The following TELO2 variants were observed in gnomAD, a reference collection of about 807,000 sequenced individuals.
TELO2 encodes telomere length regulation protein TEL2 homolog.
A neutral mutation model predicts 91.0 loss-of-function variants in TELO2; 71 were observed. The observed-to-expected ratio is 0.78, with a 90% CI of 0.64 to 0.95. The LOEUF is 0.95. Among genes scored for constraint, TELO2 ranks in the 40% least tolerant of loss-of-function variants. The pLI, the probability that TELO2 is intolerant of heterozygous loss-of-function variation, is 0.00. For missense variants in TELO2, 1,183 were observed against 1,141.3 expected, an observed-to-expected ratio of 1.04 and a Z score of -0.53; for synonymous variants, 584 against 518.9, an observed-to-expected ratio of 1.13 and a Z score of -1.71.
At position 1,505,477 on chromosome 16, in the gene TELO2, C is replaced by A. The variant is rs1485424715; in HGVS notation, c.1910C>A (p.Ser637Tyr). The A allele has an allele frequency of 1.2e-6, 2 of 1,613,160 alleles. No individual in the cohort carries two copies. The highest frequency in any genetic ancestry group is 2.2e-5 in the East Asian group (1 of 44,880). ...GCLGRTPQPG[S>Y]PSPNTPCLPE... ...CTCGGGAGGACTCCCCAACCTGGCT[C>A]CCCAAGTCCCAACACCCCGTGCCTG... Residue 637 changes from serine (S) to tyrosine (Y), a missense_variant, in exon 16 of 21, where the codon TCC becomes TAC. By Grantham distance (144) the Ser-to-Tyr change is moderately radical. Coordinates refer to ENST00000262319, the MANE Select transcript of TELO2 (RefSeq NM_016111.4). The surrounding 1 kb of genome is among the most constrained non-coding windows in gnomAD (Gnocchi z 4.3).
At chr16:1,507,437 C>T in intron 19 of TELO2, 67 bp downstream of exon 19, 1 of 1,580,676 alleles carries the variant, frequency 6.3e-7, no homozygotes, top group Non-Finnish European at 8.6e-7. Context: ...ATTGTGGGGG[C>T]CCCGTGGAGC....
rs541069927 is a variant in TELO2 at position 1,501,467 on chromosome 16, C to A, written c.1329C>A (p.Pro443=). ...LSLELLALAS[P]QPAGDGASEA... ...TCGAGCTGCTGGCCTTGGCCTCCCC[C>A]CAGCCTGCGGGTGACGGCGCCTCGG... The change falls in exon 10 of 21, where the codon CCC becomes CCA. Residue 443 remains proline, a synonymous_variant. Coordinates refer to ENST00000262319, the MANE Select transcript of TELO2 (RefSeq NM_016111.4). The A allele has an allele frequency of 5.6e-6, 9 of 1,611,782 alleles. No homozygotes were observed. The highest frequency in any genetic ancestry group is 1.1e-5 in the South Asian group (1 of 90,936).
chr16:1,494,211 C>T lies in TELO2; in HGVS notation c.-36-35C>T. 5 of 1,453,560 alleles carry T rather than the reference C, an allele frequency of 3.4e-6. No individual in the cohort carries two copies. Among genetic ancestry groups the T allele is most frequent in the Non-Finnish European group, 4.7e-6 (5 of 1,061,332 alleles). The allele number at this position is 1,453,560 out of a possible 1,614,324, so 90.0% of individuals were successfully genotyped here. ...TTCCTGAGCTTGTGTGGATTATTTCCGTGCCCCAAGCTGAGCCCTGTGTCC... is the reference window on the plus strand; with the variant it reads ...TTCCTGAGCTTGTGTGGATTATTTCTGTGCCCCAAGCTGAGCCCTGTGTCC... On this transcript the variant is annotated intron_variant, in intron 1 of 20. Coordinates refer to ENST00000262319, the MANE Select transcript of TELO2 (RefSeq NM_016111.4). The surrounding 1 kb of genome is among the most constrained non-coding windows in gnomAD (Gnocchi z 5.6).
intron 5 of TELO2, among the ~76,000 whole-genome samples, chr16:1,498,696 A>C (rs1000772014): frequency 1.3e-5 from 2 of 148,748 alleles, no homozygotes; most frequent in Non-Finnish European, 1.5e-5. Flanking sequence ...TGGCCTCCCA[A>C]ATGTTTTTTT....
chr16:1,502,507 C>A, intron 13 of TELO2, 103 bp downstream of exon 13: 1 of 1,502,426 alleles, frequency 6.7e-7, no homozygotes. Context: ...CCGTGTGTGA[C>A]AGGGCTGCTG....
At chr16:1,503,299 A>G (rs2039773392) in intron 15 of TELO2, among the ~76,000 whole-genome samples, 1 of 152,232 alleles carries the variant, frequency 6.6e-6, no homozygotes, top group Non-Finnish European at 1.5e-5. Flanking sequence ...TAGCAATGAA[A>G]AAGAAAAATT....
chr16:1,504,074 G>A (rs1425456280), intron 15 of TELO2, among the ~76,000 whole-genome samples: 2 of 147,796 alleles, frequency 1.4e-5, no homozygotes, highest in Non-Finnish European at 1.5e-5. Context: ...GTCGTGAGCC[G>A]TGATGGCACC....
chr16:1,509,070 G>A (rs1173268000), intron 20 of TELO2, among the ~76,000 whole-genome samples: 1 of 152,146 alleles, frequency 6.6e-6, no homozygotes, highest in African/African-American at 2.4e-5. Context: ...TGATGGGGCT[G>A]GGTGGGCGGG....
intron 5 of TELO2, 120 bp from the exon 6 acceptor site, chr16:1,499,111 G>C (rs1596255791): frequency 2.1e-6 from 2 of 943,738 alleles, no homozygotes; most frequent in South Asian, 1.4e-5. Flanking sequence ...CCAGAGGCTC[G>C]TGGCTAGGAA....
chr16:1,509,779 G>C, intron 20 of TELO2, 51 bp from the exon 21 acceptor site: 1 of 1,518,790 alleles, frequency 6.6e-7, no homozygotes, highest in South Asian at 1.2e-5. Context: ...GGAGGAGGGA[G>C]AATACGCCCT....
At chr16:1,498,988 C>T (rs1567296269) in intron 5 of TELO2, among the ~76,000 whole-genome samples, 1 of 152,140 alleles carries the variant, frequency 6.6e-6, no homozygotes, top group East Asian at 1.9e-4. Context: ...AGGAGGCTGT[C>T]GGGGGTGGAC....
chr16:1,499,106 G>T, intron 5 of TELO2, 125 bp from the exon 6 acceptor site: 1 of 893,068 alleles, frequency 1.1e-6, no homozygotes, highest in Non-Finnish European at 1.8e-6. Context: ...TGGAACCAGA[G>T]GCTCGTGGCT....
chr16:1,497,809 C>T lies in TELO2; in HGVS notation c.830+301C>T, dbSNP rs2039548628. Reference sequence around the variant, plus strand: ...CTGTGGTCCCCCTCGCACACGTGTGCACCATGTCCAGGCTCTGACATGGTG... The same window carrying T: ...CTGTGGTCCCCCTCGCACACGTGTGTACCATGTCCAGGCTCTGACATGGTG... On this transcript the variant is annotated intron_variant, in intron 5 of 20. Transcript: ENST00000262319. This position sits in a 1 kb window ranked among gnomAD's most constrained non-coding sequence, Gnocchi z 4.0. 6.6e-6 allele frequency among the ~76,000 whole-genome samples: 1 copy of T among 152,172 alleles called. No homozygotes were observed. Among genetic ancestry groups the T allele is most frequent in the African/African-American group, 2.4e-5 (1 of 41,426 alleles).
At position 1,501,455 on chromosome 16, in the gene TELO2, C is replaced by T. The variant is rs369875591; in HGVS notation, c.1317C>T (p.Ala439=). ...ATGAACTGAGCCTCGAGCTGCTGGC[C>T]TTGGCCTCCCCCCAGCCTGCGGGTG... The part of the protein sequence containing the change: ...EEDELSLELL[A]LASPQPAGDG... The change falls in exon 10 of 21, where the codon GCC becomes GCT. Residue 439 remains alanine, a synonymous_variant. Transcript: ENST00000262319. The T allele has an allele frequency of 8.4e-5, 136 of 1,611,912 alleles. No homozygotes were observed. The Middle Eastern group carries it at 1.8e-3, about 21-fold the overall frequency.
At chr16:1,498,824 C>A (rs2039579838) in intron 5 of TELO2, among the ~76,000 whole-genome samples, 2 of 152,214 alleles carry the variant, frequency 1.3e-5, no homozygotes, top group African/African-American at 4.8e-5. Context: ...CATAACCTCT[C>A]ACCGGGAGGA....
rs2039593867 is a variant in TELO2, at chr16:1,499,266, T to C, written c.866T>C (p.Val289Ala). 6.2e-7 allele frequency: 1 copy of C among 1,613,904 alleles called. No individual in the cohort carries two copies. The highest frequency in any genetic ancestry group is 1.3e-5 in the African/African-American group (1 of 74,934). The change falls in exon 6 of 21, where the codon GTG becomes GCG. Residue 289 changes from valine to alanine, a missense_variant. Transcript: ENST00000262319. ...EVLSRLLGNL[V>A]VKNKKAQFVM... ...CTTTCGAGACTGCTGGGGAACCTGG[T>C]GGTGAAGAACAAGAAGGCCCAGTTT...
In TELO2 at chr16:1,500,078, C is replaced by T. The variant is rs1203342307; in HGVS notation, c.934-18C>T. The T allele has an allele frequency of 5.6e-6, 9 of 1,606,636 alleles. No homozygotes were observed. Among genetic ancestry groups the T allele is most frequent in the Non-Finnish European group, 7.6e-6 (9 of 1,177,754 alleles). On this transcript the variant is annotated intron_variant, in intron 6 of 20. Coordinates refer to ENST00000262319, the MANE Select transcript of TELO2 (RefSeq NM_016111.4). ...CGGCGGCCTCAGCCCAGTGGACAGG[C>T]ATGTGCTTTTATTGCAGACGCCCAT...
chr16:1,507,191 C>A lies in TELO2; in HGVS notation c.2227-115C>A, dbSNP rs144903779. ...CCCCCGGGCAGCGGGAGCATCCCCT[C>A]GGCTGTCAGGCAGGCCCTGTCCCTG... On this transcript the variant is annotated intron_variant, in intron 18 of 20. Transcript: ENST00000262319. 1,156 of 1,497,716 alleles carry A rather than the reference C, an allele frequency of 7.7e-4. 8 individuals carry two copies. The African/African-American group carries it at 0.014, about 18-fold the overall frequency. The allele number at this position is 1,497,716 out of a possible 1,614,324, so 92.8% of individuals were successfully genotyped here.
intron 9 of TELO2, 123 bp from the exon 10 acceptor site, chr16:1,501,297 C>T (rs899174759): frequency 2.9e-6 from 3 of 1,026,714 alleles, no homozygotes; most frequent in East Asian, 2.6e-5. Flanking sequence ...CTATCCAGGG[C>T]CCAGCCACTG....
Sources: gnomAD v4.1 joint callset for allele counts (sites outside exome capture counted in the v4.1 genomes callset) on GRCh38, gnomAD v4.1.1 for gene constraint, Gnocchi (gnomAD v3.1) non-coding constraint, MANE v1.5 for transcripts, NCBI Gene and HGNC (gene_info 2026-07-23, HGNC 2026-07-21) for gene names.